Variants in KRABD3 observed in about 807,000 individuals in gnomAD.
KRABD3 encodes KRAB domain containing 3.
At chr7:149,721,476 A>G in the KRABD3 span, 1 of 1,613,068 alleles carries the variant, frequency 6.2e-7, no homozygotes, top group South Asian at 1.1e-5. Context: ...ACGCCCACCG[A>G]CAGCTCGTGT....
chr7:149,721,016 C>T, the KRABD3 span: 12 of 1,610,972 alleles, frequency 7.4e-6, no homozygotes, highest in South Asian at 3.3e-5. Context: ...GGGCAGTGCA[C>T]GCAGCCTCCT....
At chr7:149,719,949 C>T in the KRABD3 span, 2 of 1,498,346 alleles carry the variant, frequency 1.3e-6, no homozygotes, top group Non-Finnish European at 1.8e-6. The surrounding 1 kb of genome is among the most constrained non-coding windows in gnomAD (Gnocchi z 5.6). Flanking sequence ...TGCTATGCAA[C>T]TGTGTGCGAA....
the KRABD3 span, chr7:149,728,560 G>A: frequency 6.2e-7 from 1 of 1,613,730 alleles, no homozygotes. Context: ...AGGGTCTGGA[G>A]AATTGTCTCA....
At chr7:149,730,788 CACTT>C in the KRABD3 span, 2 of 590,624 alleles carry the variant, frequency 3.4e-6, no homozygotes, top group South Asian at 2.2e-5. Flanking sequence ...CTGAGCCACT[CACTT>C]GATGCCACGT....
At chr7:149,733,966 C>G in the KRABD3 span, 18 of 1,606,698 alleles carry the variant, frequency 1.1e-5, no homozygotes, top group African/African-American at 2.1e-4. Context: ...AGCCGAGCAG[C>G]CTGCTGGGAG....
chr7:149,733,660 A>ACCG, the KRABD3 span: 3 of 1,588,228 alleles, frequency 1.9e-6, no homozygotes, highest in Non-Finnish European at 2.6e-6. Flanking sequence ...ACCTGCAAGG[A>ACCG]CTCTCCAGAG....
At chr7:149,724,298 G>A in the KRABD3 span, among the ~76,000 whole-genome samples, 23 of 152,288 alleles carry the variant, frequency 1.5e-4, no homozygotes, top group African/African-American at 5.3e-4. Flanking sequence ...CCACACAGGG[G>A]TTCGTGTTCC....
the KRABD3 span, chr7:149,725,584 C>G: frequency 1.8e-5 from 23 of 1,276,870 alleles, no homozygotes; most frequent in Middle Eastern, 2.0e-4. Context: ...CCCCGGCCTC[C>G]TGAGACACAG....
At chr7:149,725,782 G>A in the KRABD3 span, 12 of 1,108,162 alleles carry the variant, frequency 1.1e-5, no homozygotes, top group African/African-American at 3.2e-5. Context: ...AACCCTAGTG[G>A]GAGATACTTT....
chr7:149,721,507 C>T, the KRABD3 span: 16 of 1,612,092 alleles, frequency 9.9e-6, no homozygotes, highest in East Asian at 4.5e-5. Context: ...CAACTGGTGA[C>T]GGGGTCCAGG....
At chr7:149,729,465 C>T in the KRABD3 span, 1 of 1,287,698 alleles carries the variant, frequency 7.8e-7, no homozygotes, top group Admixed American at 4.1e-5. Flanking sequence ...CTGTTTCTTC[C>T]CCATCTCTCA....
the KRABD3 span, chr7:149,719,669 G>A: frequency 6.2e-7 from 1 of 1,606,724 alleles, no homozygotes; most frequent in Non-Finnish European, 8.5e-7. This position sits in a 1 kb window ranked among gnomAD's most constrained non-coding sequence, Gnocchi z 5.6. Flanking sequence ...GCTGGTCTCT[G>A]TGGGTAAGGA....
At chr7:149,718,496 TA>T in the KRABD3 span, among the ~76,000 whole-genome samples, 1 of 149,260 alleles carries the variant, frequency 6.7e-6, no homozygotes, top group South Asian at 2.1e-4. Flanking sequence ...ATGGCCACTT[TA>T]AAGTCCACTG....
chr7:149,716,369 T>C, the KRABD3 span, among the ~76,000 whole-genome samples: 1 of 152,154 alleles, frequency 6.6e-6, no homozygotes, highest in Non-Finnish European at 1.5e-5. Flanking sequence ...TTTTCTCCAT[T>C]GGTTGGGGGA....
the KRABD3 span, chr7:149,733,752 A>G: frequency 9.3e-5 from 147 of 1,588,692 alleles, no homozygotes; most frequent in Admixed American, 1.9e-4. Context: ...TCTTCCCAGC[A>G]GCTGCTGTCC....
chr7:149,726,541 G>A, the KRABD3 span, among the ~76,000 whole-genome samples: 1 of 151,656 alleles, frequency 6.6e-6, no homozygotes, highest in Non-Finnish European at 1.5e-5. Flanking sequence ...GGGTTCAAGC[G>A]ATTCTCCTGC....
the KRABD3 span, chr7:149,730,775 G>C: frequency 1.6e-6 from 1 of 630,500 alleles, no homozygotes; most frequent in Non-Finnish European, 2.7e-6. Flanking sequence ...GCTGCAGGGA[G>C]GTCTGAGCCA....
At chr7:149,717,234 A>G in the KRABD3 span, among the ~76,000 whole-genome samples, 1 of 151,954 alleles carries the variant, frequency 6.6e-6, no homozygotes, top group African/African-American at 2.4e-5. Context: ...AAAATTCCAG[A>G]CTCCCAGAAG....
At chr7:149,721,936 G>A in the KRABD3 span, 1 of 383,518 alleles carries the variant, frequency 2.6e-6, no homozygotes, top group African/African-American at 2.1e-5. Context: ...GGATTTCTCT[G>A]GGGTCTCATT....
Sources: allele counts gnomAD v4.1 joint callset (sites outside exome capture counted in the v4.1 genomes callset), GRCh38; gene constraint gnomAD v4.1.1; non-coding constraint Gnocchi (gnomAD v3.1); transcripts MANE v1.5; gene names NCBI Gene and HGNC (gene_info 2026-07-23, HGNC 2026-07-21).